The following UBAC2 variants were observed in gnomAD, a reference collection of about 807,000 sequenced individuals.
UBAC2 encodes ubiquitin-associated domain-containing protein 2.
UBAC2 carries 26 observed loss-of-function variants against 44.0 expected under a neutral mutation model. The observed-to-expected ratio is 0.59, with a 90% CI of 0.43 to 0.82. The LOEUF (loss-of-function observed/expected upper bound fraction) is 0.82, where lower values mean the gene tolerates loss of function less well. UBAC2 is among the 40% of genes least tolerant of loss of function. The pLI, the probability that UBAC2 is intolerant of heterozygous loss-of-function variation, is 0.00. For missense variants in UBAC2, 329 were observed against 419.4 expected (o/e 0.78, Z 1.88); for synonymous variants, 155 against 154.3 (o/e 1.00, Z -0.04).
chr13:99,237,661 G>T (rs1302942351), intron 1 of UBAC2, among the ~76,000 whole-genome samples: 1 of 152,250 alleles, frequency 6.6e-6, no homozygotes, highest in Non-Finnish European at 1.5e-5. Flanking sequence ...AGATATTTAA[G>T]ATAATTACCC....
chr13:99,332,076 C>G (rs2044722536), intron 6 of UBAC2, among the ~76,000 whole-genome samples: 1 of 151,506 alleles, frequency 6.6e-6, no homozygotes, highest in Non-Finnish European at 1.5e-5. Context: ...GGAAAGCAGC[C>G]CCTAGGTTTG....
intron 1 of UBAC2, among the ~76,000 whole-genome samples, chr13:99,224,395 C>T (rs892557581): frequency 4.6e-5 from 7 of 152,110 alleles, no homozygotes; most frequent in African/African-American, 1.4e-4. Flanking sequence ...TAGGAGGAAA[C>T]GTTCAGTCCA....
chr13:99,300,096 C>T (rs61970292), intron 4 of UBAC2, among the ~76,000 whole-genome samples: 149 of 152,332 alleles, frequency 9.8e-4, no homozygotes, highest in South Asian at 4.8e-3. Flanking sequence ...CCAGCTGCTC[C>T]AGAGCAAAGG....
At chr13:99,378,656 A>C (rs1474904179) in intron 8 of UBAC2, among the ~76,000 whole-genome samples, 1 of 152,224 alleles carries the variant, frequency 6.6e-6, no homozygotes, top group Non-Finnish European at 1.5e-5. Context: ...GGAATCCTTC[A>C]AAGTCACCAC....
At chr13:99,245,781 G>A (rs2043376218) in intron 4 of UBAC2, among the ~76,000 whole-genome samples, 1 of 152,196 alleles carries the variant, frequency 6.6e-6, no homozygotes, top group Admixed American at 6.5e-5. Flanking sequence ...GTTGCAGTGA[G>A]CGGAGATCGC....
chr13:99,306,874 G>C (rs1355730279), intron 4 of UBAC2, among the ~76,000 whole-genome samples: 1 of 152,060 alleles, frequency 6.6e-6, no homozygotes, highest in Non-Finnish European at 1.5e-5. Flanking sequence ...TAAAGCTTTA[G>C]AAAATATACC....
rs796976422 is a variant in UBAC2, at chr13:99,275,223, A to C, written c.389+30599A>C. Among the ~76,000 whole-genome samples the C allele has an allele frequency of 2.0e-5, 3 of 152,294 alleles. No homozygotes were observed. The South Asian group carries it at 6.2e-4, about 32-fold the overall frequency. ...CTCATGTGGTTGTACTCAGGATGTC[A>C]GGGACCACAGTCATCTTCAGGCTTT... On this transcript the variant is annotated intron_variant, in intron 4 of 8. Transcript: ENST00000403766.
chr13:99,267,873 C>T lies in UBAC2; in HGVS notation c.389+23249C>T, dbSNP rs79696635. Among the ~76,000 whole-genome samples the T allele has an allele frequency of 5.1e-3, 775 of 152,306 alleles. 6 individuals are homozygous for T. The highest frequency in any genetic ancestry group is 0.017 in the Middle Eastern group (5 of 294). Reference sequence around the variant, plus strand: ...GTAACAAACCGCTGACACAGTGGCTCAAAGAGCGCAGATGTTCATTTCACT... The same window carrying T: ...GTAACAAACCGCTGACACAGTGGCTTAAAGAGCGCAGATGTTCATTTCACT... On this transcript the variant is annotated intron_variant, in intron 4 of 8. Transcript: ENST00000403766.
At chr13:99,228,313 A>G (rs1286357868) in intron 1 of UBAC2, among the ~76,000 whole-genome samples, 2 of 150,672 alleles carry the variant, frequency 1.3e-5, no homozygotes, top group African/African-American at 2.4e-5. Flanking sequence ...TTTGATACGG[A>G]ATCTCGCTTT....
chr13:99,214,831 CTG>C (rs879671190), intron 1 of UBAC2, among the ~76,000 whole-genome samples: 1,031 of 98,014 alleles, frequency 0.011, 10 homozygotes, highest in Non-Finnish European at 0.025. Flanking sequence ...TGTTTGTAGA[CTG>C]TGGGTGGGGA....
intron 6 of UBAC2, among the ~76,000 whole-genome samples, chr13:99,338,343 C>T (rs957995639): frequency 2.6e-5 from 4 of 152,046 alleles, no homozygotes; most frequent in Admixed American, 1.3e-4. Context: ...CAGGTGTGAG[C>T]CACTGCGCCC....
rs550417822 is a variant in UBAC2, at chr13:99,319,937, C to G, written c.561+1868C>G. Among the ~76,000 whole-genome samples, 3 of 152,346 alleles carry G rather than the reference C, an allele frequency of 2.0e-5. No homozygotes were observed. In the East Asian group the frequency reaches 5.8e-4, roughly 29 times the overall value. ...TGTTTGTTCCATGGCATATTTGTTT[C>G]ACTTAGCAGTAATGGTTTTGAGTTC... On this transcript the variant is annotated intron_variant, in intron 6 of 8. Transcript: ENST00000403766.
intron 8 of UBAC2, among the ~76,000 whole-genome samples, chr13:99,368,688 A>AGTGTGTGTGTGTGTGTGTGTGT (rs35193753): frequency 2.4e-4 from 35 of 146,698 alleles, no homozygotes; most frequent in African/African-American, 3.8e-4. Flanking sequence ...CTCATGAGAG[A>AGTGTGTGTGTGTGTGTGTGTGT]GTGTGTGTGT....
intron 7 of UBAC2, among the ~76,000 whole-genome samples, chr13:99,351,000 A>AC (rs1422905246): frequency 6.6e-6 from 1 of 152,164 alleles, no homozygotes; most frequent in African/African-American, 2.4e-5. Context: ...AAAGGAAGAA[A>AC]ACAGTGTTGT....
intron 8 of UBAC2, among the ~76,000 whole-genome samples, chr13:99,376,331 G>C (rs1315297521): frequency 6.6e-6 from 1 of 152,222 alleles, no homozygotes; most frequent in Non-Finnish European, 1.5e-5. Flanking sequence ...GCTGACGCCT[G>C]TGGTTCAGAA....
At chr13:99,307,858 T>C (rs1014436784) in intron 4 of UBAC2, 2 of 152,218 alleles carry the variant, frequency 1.3e-5, no homozygotes, top group African/African-American at 4.8e-5. Flanking sequence ...CATTCCACCT[T>C]ATCCACAGCT....
chr13:99,316,925 T>C (rs1480453322), intron 5 of UBAC2, among the ~76,000 whole-genome samples: 1 of 152,240 alleles, frequency 6.6e-6, no homozygotes, highest in Non-Finnish European at 1.5e-5. Flanking sequence ...TAGTCTGTTA[T>C]TCTTTCTATT....
chr13:99,304,364 G>T (rs1035180663), intron 4 of UBAC2, among the ~76,000 whole-genome samples: 4 of 152,072 alleles, frequency 2.6e-5, no homozygotes, highest in South Asian at 4.2e-4. Flanking sequence ...CCTCTGAAAG[G>T]CAGTGTGGGT....
intron 2 of UBAC2, among the ~76,000 whole-genome samples, chr13:99,240,995 C>T (rs941309552): frequency 3.3e-5 from 5 of 152,112 alleles, no homozygotes; most frequent in Admixed American, 3.3e-4. Context: ...TGTGGTGGCT[C>T]ACACCTGTCA....
Sources: gnomAD v4.1 joint callset for allele counts (sites outside exome capture counted in the v4.1 genomes callset) on GRCh38, gnomAD v4.1.1 for gene constraint, MANE v1.5 for transcripts, NCBI Gene and HGNC (gene_info 2026-07-23, HGNC 2026-07-21) for gene names.